TET3: variants seen among roughly 807,000 people sequenced by gnomAD.
The protein encoded by TET3 is methylcytosine dioxygenase TET3.
Under a neutral mutation model 141.4 loss-of-function variants are expected in TET3, and 19 were observed. The observed-to-expected ratio is 0.13, with a 90% CI of 0.09 to 0.20. The LOEUF (loss-of-function observed/expected upper bound fraction) is 0.20, where lower values mean the gene tolerates loss of function less well. Among genes scored for constraint, TET3 ranks in the 10% least tolerant of loss-of-function variants. The pLI, the probability that TET3 is intolerant of heterozygous loss-of-function variation, is 1.00. For synonymous variants in TET3, 1,043 were observed against 980.9 expected, an observed-to-expected ratio of 1.06 and a Z score of -1.18; for missense variants, 1,874 against 2,356.9, an observed-to-expected ratio of 0.80 and a Z score of 4.24.
chr2:74,094,671 G>T (rs563360405), intron 10 of TET3, among the ~76,000 whole-genome samples: 2 of 152,232 alleles, frequency 1.3e-5, no homozygotes, highest in East Asian at 3.9e-4. Context: ...GTGGGGGGAG[G>T]TGCTGATGGG....
intron 6 of TET3, among the ~76,000 whole-genome samples, chr2:74,082,672 G>A (rs1689898222): frequency 6.6e-6 from 1 of 152,184 alleles, no homozygotes; most frequent in Admixed American, 6.5e-5. Context: ...ATCTCCTTTA[G>A]TGTGGTGGAT....
chr2:74,031,958 C>T (rs1449155315), intron 3 of TET3, among the ~76,000 whole-genome samples: 1 of 152,206 alleles, frequency 6.6e-6, no homozygotes, highest in African/African-American at 2.4e-5. Flanking sequence ...TCTACTTTGC[C>T]ACTCACCAAT....
Position 74,080,603 on chromosome 2 carries a change from G to C in TET3, c.2679+12G>C, listed in dbSNP as rs775196057. On this transcript the variant is annotated intron_variant, in intron 6 of 11. Transcript: ENST00000409262. Reference sequence around the variant, plus strand: ...CCATTGCAAAGTGGGTGAGTGTTGAGCCCACTCAAGAGCCACAGCTGTGCC... The same window carrying C: ...CCATTGCAAAGTGGGTGAGTGTTGACCCCACTCAAGAGCCACAGCTGTGCC... The C allele has an allele frequency of 6.3e-7, 1 of 1,598,272 alleles. No individual in the cohort carries two copies. The highest frequency in any genetic ancestry group is 1.1e-5 in the South Asian group (1 of 89,302).
the TET3 span, chr2:74,121,469 G>C: frequency 6.6e-6 from 1 of 152,228 alleles, no homozygotes; most frequent in South Asian, 2.1e-4. Context: ...AAACTTTCAA[G>C]TCAGAGTGTG....
At chr2:74,024,514 G>C (rs572887149) in intron 3 of TET3, among the ~76,000 whole-genome samples, 1 of 152,080 alleles carries the variant, frequency 6.6e-6, no homozygotes, top group Non-Finnish European at 1.5e-5. Context: ...TCTGCTCTGC[G>C]GTGGTCATCC....
Position 73,986,347 on chromosome 2 carries a change from G to A in TET3, c.-57G>A, listed in dbSNP as rs1053725787. Reference sequence around the variant, plus strand: ...GGACCTGTTGGTGGCCTTTGGAGGTGGCAGGAAACGACTGTGGTTCTGCCC... The same window carrying A: ...GGACCTGTTGGTGGCCTTTGGAGGTAGCAGGAAACGACTGTGGTTCTGCCC... On this transcript the variant is annotated 5_prime_UTR_variant, in exon 2 of 12. Coordinates refer to ENST00000409262, the MANE Select transcript of TET3 (RefSeq NM_001287491.2). 29 of 1,228,118 alleles carry A rather than the reference G, an allele frequency of 2.4e-5. No individual in the cohort carries two copies. The highest frequency in any genetic ancestry group is 2.9e-5 in the Non-Finnish European group (29 of 984,752). The allele number at this position is 1,228,118 out of a possible 1,614,324, so 76.1% of individuals were successfully genotyped here.
chr2:74,114,698 C>CA, the TET3 span, among the ~76,000 whole-genome samples: 5 of 150,968 alleles, frequency 3.3e-5, no homozygotes, highest in Admixed American at 3.3e-4. Context: ...ACTGAAAATA[C>CA]AAAAAATTGG....
rs913407534 is a variant in TET3 at position 74,106,081 on chromosome 2, C to G, written c.*3905C>G. ...CAACCAACCAAAAACAAGGTGGGCT[C>G]CAGTCTCTTGGCTTTTTTTTTTCCC... On this transcript the variant is annotated 3_prime_UTR_variant, in exon 12 of 12. Coordinates refer to ENST00000409262, the MANE Select transcript of TET3 (RefSeq NM_001287491.2). The G allele has an allele frequency of 1.6e-5, 2 of 127,012 alleles. No individual in the cohort carries two copies. The highest frequency in any genetic ancestry group is 5.9e-5 in the African/African-American group (2 of 33,754). 7.9% of individuals were successfully genotyped at this position (127,012 alleles called of 1,614,324 possible).
At chr2:74,032,444 T>G (rs1573740362) in intron 3 of TET3, among the ~76,000 whole-genome samples, 5 of 63,636 alleles carry the variant, frequency 7.9e-5, no homozygotes, top group South Asian at 3.9e-4. Flanking sequence ...GCAAGAGGGG[T>G]GTGTCTCTGT....
intron 11 of TET3, among the ~76,000 whole-genome samples, chr2:74,100,044 C>G (rs1691090079): frequency 1.3e-5 from 2 of 152,148 alleles, no homozygotes; most frequent in Non-Finnish European, 2.9e-5. Context: ...TGCAGTGATC[C>G]CGACTGGGCT....
At position 74,048,247 on chromosome 2, in the gene TET3, A is replaced by T. The variant is rs573904982; in HGVS notation, c.2330A>T (p.Glu777Val). 2 of 1,613,630 alleles carry T rather than the reference A, an allele frequency of 1.2e-6. No individual in the cohort carries two copies. The highest frequency in any genetic ancestry group is 1.7e-5 in the Admixed American group (1 of 59,944). ...VLSTTCFHSEEGGQEATPTKA... is the reference protein window; with the variant it reads ...VLSTTCFHSEVGGQEATPTKA... ...TCAACCACCTGCTTCCATTCAGAGG[A>T]GGGAGGACAGGAGGCCACACCCACC... The change falls in exon 4 of 12, where the codon GAG becomes GTG. Residue 777 changes from glutamate to valine, a missense_variant. Transcript: ENST00000409262.
At chr2:74,118,684 TAC>T in the TET3 span, among the ~76,000 whole-genome samples, 87 of 152,148 alleles carry the variant, frequency 5.7e-4, no homozygotes, top group African/African-American at 1.8e-3. Context: ...TGAATACACA[TAC>T]ACACACACAT....
rs552994392 is a variant in TET3 at position 74,023,449 on chromosome 2, C to A, written c.360+20283C>A. On this transcript the variant is annotated intron_variant, in intron 3 of 11. Coordinates refer to ENST00000409262, the MANE Select transcript of TET3 (RefSeq NM_001287491.2). ...GTAATGATGGGGTCTCACTGTGTTG[C>A]CTGAGCTGGTCTTAAACTCCTGGAC... Among the ~76,000 whole-genome samples the A allele has an allele frequency of 3.8e-3, 576 of 151,934 alleles. 3 individuals are homozygous for A. Among genetic ancestry groups the A allele is most frequent in the South Asian group, 0.024 (114 of 4,814 alleles).
the TET3 span, chr2:74,121,693 CT>C: frequency 2.6e-5 from 4 of 152,188 alleles, no homozygotes; most frequent in Admixed American, 2.6e-4. Context: ...ATATTGGCTG[CT>C]TCAAAAGTCT....
chr2:74,001,519 G>A (rs1238391738), intron 2 of TET3, among the ~76,000 whole-genome samples: 2 of 152,220 alleles, frequency 1.3e-5, no homozygotes, highest in East Asian at 3.8e-4. Context: ...GCTACGAGAG[G>A]TAAGTTACAA....
Position 74,107,638 on chromosome 2 carries a change from A to G in TET3, c.*5462A>G, listed in dbSNP as rs1228340684. 2.6e-5 allele frequency: 4 copies of G among 152,328 alleles called. No homozygotes were observed. Among genetic ancestry groups the G allele is most frequent in the Admixed American group, 2.0e-4 (3 of 15,304 alleles). 9.4% of individuals were successfully genotyped at this position (152,328 alleles called of 1,614,324 possible). ...AGGTCGTATAATGGCATATTAATAC[A>G]TTAGACTTAATCTAGAACCCCTGTA... On this transcript the variant is annotated 3_prime_UTR_variant, in exon 12 of 12. Coordinates refer to ENST00000409262, the MANE Select transcript of TET3 (RefSeq NM_001287491.2).
chr2:74,025,223 CAAAA>C (rs1195395463), intron 3 of TET3, among the ~76,000 whole-genome samples: 2 of 64,796 alleles, frequency 3.1e-5, no homozygotes, highest in Non-Finnish European at 3.2e-5. Flanking sequence ...GACTCCGCCT[CAAAA>C]AAAAAAAAAA....
chr2:74,040,148 G>A (rs2105329195), intron 3 of TET3, among the ~76,000 whole-genome samples: 1 of 152,322 alleles, frequency 6.6e-6, no homozygotes, highest in Non-Finnish European at 1.5e-5. Context: ...GGTGGACAAT[G>A]AGGAAGAGTT....
At chr2:74,090,177 TA>T in intron 8 of TET3, 130 bp downstream of exon 8, 1 of 1,387,080 alleles carries the variant, frequency 7.2e-7, no homozygotes, top group South Asian at 1.4e-5. Flanking sequence ...TTCGTTTTTT[TA>T]AAAGCTGACC....
Sources: allele counts gnomAD v4.1 joint callset (sites outside exome capture counted in the v4.1 genomes callset), GRCh38; gene constraint gnomAD v4.1.1; transcripts MANE v1.5; gene names NCBI Gene and HGNC (gene_info 2026-07-23, HGNC 2026-07-21).